STON1: variants seen among roughly 807,000 people sequenced by gnomAD.
The protein encoded by STON1 is stonin-1.
In STON1, 79 loss-of-function variants were observed where a neutral mutation model predicts 60.9. The observed-to-expected ratio is 1.30, with a 90% CI of 1.08 to 1.56. The LOEUF (loss-of-function observed/expected upper bound fraction) is 1.56, where lower values mean the gene tolerates loss of function less well. STON1 is among the 40% of genes most tolerant of loss of function. The pLI, the probability that STON1 is intolerant of heterozygous loss-of-function variation, is 0.00. For missense variants in STON1, 1,166 were observed against 858.9 expected, an observed-to-expected ratio of 1.36 and a Z score of -4.47; for synonymous variants, 363 against 306.9, an observed-to-expected ratio of 1.18 and a Z score of -1.91.
At position 48,581,145 on chromosome 2, in the gene STON1, C is replaced by G; in HGVS notation, c.512C>G (p.Pro171Arg). The G allele has an allele frequency of 6.4e-7, 1 of 1,569,080 alleles. No individual in the cohort carries two copies. Among genetic ancestry groups the G allele is most frequent in the South Asian group, 1.2e-5 (1 of 81,522 alleles). Residue 171 changes from proline (P) to arginine (R), a missense_variant, in exon 2 of 4, where the codon CCC becomes CGC. Transcript: ENST00000404752. ...ESLGFQSDDL[P>R]QFQYFREDCA... ...CTAGGATTCCAAAGTGATGATCTCC[C>G]CCAGTTTCAGTATTTTCGAGAGGAC...
rs1674829208 is a variant in STON1 at position 48,597,417 on chromosome 2, T to C, written c.*2115T>C. 6.6e-6 allele frequency: 1 copy of C among 152,228 alleles called. No individual in the cohort carries two copies. The highest frequency in any genetic ancestry group is 2.1e-4 in the South Asian group (1 of 4,830). 9.4% of individuals were successfully genotyped at this position (152,228 alleles called of 1,614,324 possible). On this transcript the variant is annotated 3_prime_UTR_variant, in exon 4 of 4. Transcript: ENST00000404752. ...CTGCCATTCCTTTCTAAGTGTGTTTTATGGCATCCTGCCCACAAAGAACTC... is the reference window on the plus strand; with the variant it reads ...CTGCCATTCCTTTCTAAGTGTGTTTCATGGCATCCTGCCCACAAAGAACTC...
intron 1 of STON1, among the ~76,000 whole-genome samples, chr2:48,548,567 C>T (rs1271020193): frequency 2.0e-5 from 3 of 151,184 alleles, no homozygotes; most frequent in Non-Finnish European, 2.9e-5. Flanking sequence ...GGCGTGATCT[C>T]GGCTCACTGA....
chr2:48,583,852 A>T (rs1674046065), intron 2 of STON1, among the ~76,000 whole-genome samples: 1 of 151,662 alleles, frequency 6.6e-6, no homozygotes, highest in African/African-American at 2.4e-5. Context: ...CTCGGGTTCA[A>T]GTGATTCTCC....
chr2:48,561,000 CT>C (rs1283499634), intron 1 of STON1, among the ~76,000 whole-genome samples: 1 of 152,226 alleles, frequency 6.6e-6, no homozygotes, highest in Non-Finnish European at 1.5e-5. Context: ...TTCACCTTAG[CT>C]TTTTGTGTGT....
At chr2:48,591,589 T>C in intron 2 of STON1, 64 bp from the exon 3 acceptor site, 1 of 1,576,362 alleles carries the variant, frequency 6.3e-7, no homozygotes, top group Non-Finnish European at 8.6e-7. Context: ...GTGCCTTTTA[T>C]GTTCAAGAGA....
Position 48,582,506 on chromosome 2 carries a change from G to T in STON1, c.1873G>T (p.Glu625Ter), listed in dbSNP as rs1397451696. ...IQVTVGSAKYESAYQAVVWKI... is the reference protein window; with the variant it reads ...IQVTVGSAKY ...AGTCACTGTGGGGTCAGCAAAATAT[G>T]AGAGTGCCTACCAGGCAGTGGTATG... Residue 625 changes from glutamate (E) to a stop codon, truncating the protein, a stop_gained, in exon 2 of 4, where the codon GAG (glutamate) becomes TAG (stop). Transcript: ENST00000404752. LOFTEE classifies it high-confidence loss of function. 1 of 1,614,170 alleles carries T rather than the reference G, an allele frequency of 6.2e-7. No individual in the cohort carries two copies. The highest frequency in any genetic ancestry group is 1.1e-5 in the South Asian group (1 of 91,076).
Position 48,582,442 on chromosome 2 carries a change from G to C in STON1, c.1809G>C (p.Leu603=). 1 of 1,614,184 alleles carries C rather than the reference G, an allele frequency of 6.2e-7. No homozygotes were observed. ...LKAKMNRRAC[L]GSLQELESEP... ...CTAAAATGAACCGCCGAGCATGTCT[G>C]GGGAGTTTACAGGAACTTGAATCTG... The change falls in exon 2 of 4, where the codon CTG becomes CTC. Residue 603 remains leucine (L), a synonymous_variant. Coordinates refer to ENST00000404752, the MANE Select transcript of STON1 (RefSeq NM_006873.4).
At chr2:48,572,727 A>G (rs1187019456) in intron 1 of STON1, among the ~76,000 whole-genome samples, 1 of 152,214 alleles carries the variant, frequency 6.6e-6, no homozygotes, top group Non-Finnish European at 1.5e-5. Context: ...AAACCCAACT[A>G]AAGTAAATAT....
At chr2:48,539,358 A>G (rs1671564849) in intron 1 of STON1, among the ~76,000 whole-genome samples, 1 of 151,406 alleles carries the variant, frequency 6.6e-6, no homozygotes, top group Non-Finnish European at 1.5e-5. Context: ...CTTTATCTAC[A>G]TTTCTTCTGT....
At chr2:48,579,562 C>G (rs1415748233) in intron 1 of STON1, among the ~76,000 whole-genome samples, 1 of 151,916 alleles carries the variant, frequency 6.6e-6, no homozygotes, top group Non-Finnish European at 1.5e-5. Flanking sequence ...TAGTTTTATT[C>G]CATTGTGGTT....
At chr2:48,562,574 C>A (rs914775606) in intron 1 of STON1, among the ~76,000 whole-genome samples, 2 of 152,198 alleles carry the variant, frequency 1.3e-5, no homozygotes, top group Non-Finnish European at 2.9e-5. Flanking sequence ...CCAAAAGATA[C>A]GAAGCAACAC....
In STON1 at chr2:48,591,778, GAGGTC is replaced by G; in HGVS notation, c.2062_2066del (p.Arg688SerfsTer6). ...GCCTGACACCTGTGCCTCAAGGACA[GAGGTC>G]AGGTCTCTGGGAGTGGAGAGTGATG... On this transcript the variant is annotated frameshift_variant, in exon 3 of 4. Coordinates refer to ENST00000404752, the MANE Select transcript of STON1 (RefSeq NM_006873.4). LOFTEE classifies it high-confidence loss of function. The G allele has an allele frequency of 6.2e-7, 1 of 1,614,200 alleles. No homozygotes were observed. The highest frequency in any genetic ancestry group is 8.5e-7 in the Non-Finnish European group (1 of 1,180,038).
intron 1 of STON1, among the ~76,000 whole-genome samples, chr2:48,553,364 C>G (rs565975914): frequency 1.3e-4 from 19 of 151,458 alleles, no homozygotes; most frequent in Non-Finnish European, 2.1e-4. Context: ...CCCTTCCCTT[C>G]TCTTCCCTTC....
In STON1 at chr2:48,581,937, A is replaced by G; in HGVS notation, c.1304A>G (p.Glu435Gly). 1.2e-6 allele frequency: 2 copies of G among 1,614,174 alleles called. No homozygotes were observed. Among genetic ancestry groups the G allele is most frequent in the Non-Finnish European group, 1.7e-6 (2 of 1,180,034 alleles). ...GKVTKEGKFV[E>G]SAVITQIYCL... ...GTCACAAAAGAAGGAAAATTTGTTG[A>G]AAGTGCTGTGATAACTCAAATTTAT... The change falls in exon 2 of 4, where the codon GAA (glutamate) becomes GGA (glycine). Residue 435 changes from glutamate to glycine, a missense_variant. Transcript: ENST00000404752.
At chr2:48,569,841 A>G (rs1673110698) in intron 1 of STON1, among the ~76,000 whole-genome samples, 1 of 152,220 alleles carries the variant, frequency 6.6e-6, no homozygotes, top group Non-Finnish European at 1.5e-5. Flanking sequence ...TTGCATCCCC[A>G]AATCTAAAAT....
At chr2:48,547,310 A>G (rs1233233450) in intron 1 of STON1, among the ~76,000 whole-genome samples, 2 of 152,232 alleles carry the variant, frequency 1.3e-5, no homozygotes, top group Admixed American at 1.3e-4. Context: ...ATTAAGTGGC[A>G]TGAATTTGGG....
At chr2:48,593,331 G>A (rs1486167746) in intron 3 of STON1, among the ~76,000 whole-genome samples, 4 of 151,248 alleles carry the variant, frequency 2.6e-5, no homozygotes, top group African/African-American at 9.7e-5. Flanking sequence ...TGGCCAGGCT[G>A]GTCTCGAACT....
chr2:48,535,297 G>A (rs1168380192), intron 1 of STON1, among the ~76,000 whole-genome samples: 2 of 152,236 alleles, frequency 1.3e-5, no homozygotes, highest in Non-Finnish European at 2.9e-5. Context: ...ATTATCTTTC[G>A]AAAGCTTGCC....
intron 1 of STON1, among the ~76,000 whole-genome samples, chr2:48,564,490 TTCTTCTTCTTCTTCTTCTTC>T (rs1672798336): frequency 9.3e-5 from 2 of 21,544 alleles, no homozygotes; most frequent in African/African-American, 3.7e-4. Flanking sequence ...TTTCTTCTTC[TTCTTCTTCTTCTTCTTCTTC>T]TTCTTCTTCT....
Sources: allele counts gnomAD v4.1 joint callset (sites outside exome capture counted in the v4.1 genomes callset), GRCh38; gene constraint gnomAD v4.1.1; transcripts MANE v1.5; gene names NCBI Gene and HGNC (gene_info 2026-07-23, HGNC 2026-07-21).